PRKCA: variants seen among roughly 807,000 people sequenced by gnomAD.
The protein encoded by PRKCA is protein kinase C alpha type.
PRKCA carries 27 observed loss-of-function variants against 87.0 expected under a neutral mutation model. That is an observed-to-expected ratio of 0.31 (90% CI 0.23 to 0.43). PRKCA has a LOEUF of 0.43. PRKCA is among the 20% of genes least tolerant of loss of function. The pLI, the probability that PRKCA is intolerant of heterozygous loss-of-function variation, is 1.00. For synonymous variants in PRKCA, 329 were observed against 311.1 expected (o/e 1.06, Z -0.61); for missense variants, 518 against 852.3 (o/e 0.61, Z 4.88).
chr17:66,709,777 A>G (rs772836024), intron 8 of PRKCA, among the ~76,000 whole-genome samples: 10 of 151,996 alleles, frequency 6.6e-5, no homozygotes, highest in Non-Finnish European at 1.2e-4. Flanking sequence ...GAGCTTGGTT[A>G]ACTCACTGCC....
At chr17:66,482,121 A>AAAG (rs1915812864) in intron 2 of PRKCA, among the ~76,000 whole-genome samples, 2 of 148,226 alleles carry the variant, frequency 1.3e-5, no homozygotes, top group African/African-American at 5.2e-5. Context: ...AAAAAAAGAA[A>AAAG]AAAAGAAAAA....
intron 2 of PRKCA, among the ~76,000 whole-genome samples, chr17:66,436,904 T>A (rs1913425378): frequency 6.6e-6 from 1 of 152,152 alleles, no homozygotes. Context: ...AAATTGAGGC[T>A]AACATAATGT....
At chr17:66,786,568 A>C (rs984454878) in intron 14 of PRKCA, among the ~76,000 whole-genome samples, 1 of 152,264 alleles carries the variant, frequency 6.6e-6, no homozygotes, top group Non-Finnish European at 1.5e-5. Context: ...TAATGGATTA[A>C]TCATAATTTA....
intron 8 of PRKCA, among the ~76,000 whole-genome samples, chr17:66,723,414 A>C (rs924280657): frequency 6.6e-6 from 1 of 152,164 alleles, no homozygotes; most frequent in African/African-American, 2.4e-5. Flanking sequence ...GGATCACTTG[A>C]GGTCAGGAGT....
intron 5 of PRKCA, among the ~76,000 whole-genome samples, chr17:66,680,323 C>T (rs1253611247): frequency 1.3e-5 from 2 of 152,186 alleles, no homozygotes; most frequent in Non-Finnish European, 1.5e-5. Context: ...CTTTTGCTGT[C>T]AGGCAGGGGT....
At chr17:66,368,364 GTATATATATA>G (rs765889045) in intron 2 of PRKCA, among the ~76,000 whole-genome samples, 46 of 44,522 alleles carry the variant, frequency 1.0e-3, no homozygotes, top group African/African-American at 3.8e-3. Context: ...GTGTGTATAT[GTATATATATA>G]TATATATATA....
intron 5 of PRKCA, among the ~76,000 whole-genome samples, chr17:66,679,174 C>CTTTT (rs10714678): frequency 5.0e-5 from 6 of 121,056 alleles, no homozygotes; most frequent in Non-Finnish European, 3.4e-5. Context: ...ACACTCACAC[C>CTTTT]TTTTTTTTTT....
At chr17:66,444,063 A>T (rs1913909165) in intron 2 of PRKCA, among the ~76,000 whole-genome samples, 1 of 152,158 alleles carries the variant, frequency 6.6e-6, no homozygotes, top group African/African-American at 2.4e-5. Context: ...GATGATAAGG[A>T]TAAAACCTGA....
chr17:66,778,856 A>C (rs1975132861), intron 14 of PRKCA, among the ~76,000 whole-genome samples: 1 of 151,922 alleles, frequency 6.6e-6, no homozygotes, highest in Non-Finnish European at 1.5e-5. Context: ...AAAAAAAAAA[A>C]AAAAAACAAC....
In PRKCA at chr17:66,564,420, T is replaced by C. The variant is rs28755790; in HGVS notation, c.288+68137T>C. On this transcript the variant is annotated intron_variant, in intron 3 of 16. Coordinates refer to ENST00000413366, the MANE Select transcript of PRKCA (RefSeq NM_002737.3). ...ATGAGACTACTAGAAAACTGTAAAT[T>C]ACCTACAGCTCACATAATGTTTCTG... Among the ~76,000 whole-genome samples, 1,141 of 152,214 alleles carry C rather than the reference T, an allele frequency of 7.5e-3. 16 individuals carry two copies. Among genetic ancestry groups the C allele is most frequent in the African/African-American group, 0.026 (1,067 of 41,528 alleles).
intron 8 of PRKCA, among the ~76,000 whole-genome samples, chr17:66,712,007 G>GC (rs973101257): frequency 7.9e-5 from 12 of 152,076 alleles, no homozygotes; most frequent in Middle Eastern, 6.8e-3. Context: ...TGTTGTTACT[G>GC]CCCCCCCTCC....
intron 3 of PRKCA, among the ~76,000 whole-genome samples, chr17:66,530,293 C>G (rs1011648306): frequency 2.6e-5 from 4 of 152,114 alleles, no homozygotes; most frequent in African/African-American, 9.6e-5. Context: ...TCCCAGAGAC[C>G]CTGAAACACC....
At chr17:66,380,334 G>GAGT (rs1909709997) in intron 2 of PRKCA, among the ~76,000 whole-genome samples, 1 of 152,004 alleles carries the variant, frequency 6.6e-6, no homozygotes, top group Admixed American at 6.6e-5. Flanking sequence ...TTTACTCAGG[G>GAGT]AGTAAGTGAT....
intron 2 of PRKCA, chr17:66,398,068 C>T (rs2143670033): frequency 6.6e-6 from 1 of 152,234 alleles, no homozygotes; most frequent in Non-Finnish European, 1.5e-5. Flanking sequence ...ATGGCAAATG[C>T]TAGCATTTCC....
chr17:66,632,404 G>T (rs1232897838), intron 3 of PRKCA, among the ~76,000 whole-genome samples: 1 of 152,060 alleles, frequency 6.6e-6, no homozygotes, highest in Non-Finnish European at 1.5e-5. Flanking sequence ...TTTTGAGACG[G>T]GGTCTTGCTC....
chr17:66,660,857 C>G (rs865996873), intron 5 of PRKCA, among the ~76,000 whole-genome samples: 1 of 151,812 alleles, frequency 6.6e-6, no homozygotes, highest in South Asian at 2.1e-4. Context: ...TGCAGTGAGC[C>G]GAGATCGCAC....
At chr17:66,317,761 A>G (rs28507389) in intron 2 of PRKCA, among the ~76,000 whole-genome samples, 147,402 of 152,282 alleles carry the variant, frequency 0.97, 71,348 homozygotes, top group East Asian at 1. Flanking sequence ...ATTCAGATTT[A>G]TGTTGAAGTT....
intron 3 of PRKCA, among the ~76,000 whole-genome samples, chr17:66,606,995 G>A (rs1358253732): frequency 1.3e-5 from 2 of 152,224 alleles, no homozygotes; most frequent in East Asian, 3.9e-4. Flanking sequence ...ACCCAGCGAT[G>A]GAGTTGTGGT....
chr17:66,768,798 G>A (rs575834535), intron 13 of PRKCA, among the ~76,000 whole-genome samples: 2 of 152,188 alleles, frequency 1.3e-5, no homozygotes, highest in Non-Finnish European at 2.9e-5. Context: ...CAACAGGTGG[G>A]GATTGCAATT....
Sources: gnomAD v4.1 joint callset for allele counts (sites outside exome capture counted in the v4.1 genomes callset) on GRCh38, gnomAD v4.1.1 for gene constraint, MANE v1.5 for transcripts, NCBI Gene and HGNC (gene_info 2026-07-23, HGNC 2026-07-21) for gene names.